CNBD1: variants seen among roughly 807,000 people sequenced by gnomAD.
CNBD1 encodes cyclic nucleotide binding domain containing 1.
A neutral mutation model predicts 54.4 loss-of-function variants in CNBD1; 71 were observed. The ratio of observed to expected loss-of-function variants is 1.30; its 90% CI spans 1.08 to 1.59. The LOEUF is 1.59. Among genes scored for constraint, CNBD1 ranks in the 40% most tolerant of loss-of-function variants. The probability of loss-of-function intolerance (pLI) is 0.00; values close to 1 mark genes in which losing one functional copy is unlikely to be tolerated. For synonymous variants in CNBD1, 182 were observed against 170.7 expected (o/e 1.07, Z -0.51); for missense variants, 659 against 518.0 (o/e 1.27, Z -2.64).
At chr8:87,317,617 A>T (rs1300454283) in intron 8 of CNBD1, among the ~76,000 whole-genome samples, 1 of 151,732 alleles carries the variant, frequency 6.6e-6, no homozygotes, top group Non-Finnish European at 1.5e-5. Flanking sequence ...CATGTTTTGT[A>T]TTATTTGAAT....
Position 87,250,983 on chromosome 8 carries a change from A to C in CNBD1, c.771+13871A>C, listed in dbSNP as rs746985080. ...CAAATAACCAAAAGAATGGAATTGC[A>C]ATGTTCCTAACACAAAGAAACAATA... On this transcript the variant is annotated intron_variant, in intron 6 of 10. Coordinates refer to ENST00000518476, the MANE Select transcript of CNBD1 (RefSeq NM_173538.3). Among the ~76,000 whole-genome samples, 69 of 151,714 alleles carry C rather than the reference A, an allele frequency of 4.5e-4. 1 individual carries two copies. Among genetic ancestry groups the C allele is most frequent in the Admixed American group, 1.3e-3 (20 of 15,192 alleles).
intron 4 of CNBD1, among the ~76,000 whole-genome samples, chr8:87,141,479 A>C (rs1812368604): frequency 1.3e-5 from 2 of 152,126 alleles, no homozygotes; most frequent in African/African-American, 4.8e-5. Flanking sequence ...ATCACAGCAC[A>C]CAGCCAATTC....
rs1811777394 is a variant in CNBD1, at chr8:87,116,670, T to TA, written c.432-89322dup. The stretch of plus-strand genomic sequence containing the variant: ...CTGTGTTCCTCATCTCCTCCCCACC[T>TA]AGTCCTCCAATTTCAGTAAATGACA... On this transcript the variant is annotated intron_variant, in intron 4 of 10. Transcript: ENST00000518476. Among the ~76,000 whole-genome samples, 4 of 152,302 alleles carry TA rather than the reference T, an allele frequency of 2.6e-5. No individual in the cohort carries two copies. The South Asian group carries it at 8.3e-4, about 32-fold the overall frequency.
intron 4 of CNBD1, among the ~76,000 whole-genome samples, chr8:87,075,760 A>G (rs1810855674): frequency 6.6e-6 from 1 of 152,134 alleles, no homozygotes; most frequent in Non-Finnish European, 1.5e-5. Flanking sequence ...TCTTGGTAAA[A>G]TGTACATGGG....
intron 8 of CNBD1, among the ~76,000 whole-genome samples, chr8:87,348,854 G>A (rs78952110): frequency 0.018 from 2,675 of 152,200 alleles, 76 homozygotes; most frequent in African/African-American, 0.058. Flanking sequence ...ATTTCTGGGC[G>A]TATGATAAAC....
intron 1 of CNBD1, among the ~76,000 whole-genome samples, chr8:86,867,497 G>A (rs900541448): frequency 4.6e-5 from 7 of 152,260 alleles, no homozygotes; most frequent in Middle Eastern, 3.4e-3. Context: ...CAGGTTAAAA[G>A]GTATAACAGG....
intron 4 of CNBD1, among the ~76,000 whole-genome samples, chr8:87,124,570 A>G (rs933255191): frequency 2.0e-5 from 3 of 151,856 alleles, no homozygotes; most frequent in African/African-American, 7.2e-5. Flanking sequence ...CATTTAATGG[A>G]CATAGAAAAA....
At chr8:86,941,900 CAT>C (rs1258308826) in intron 4 of CNBD1, among the ~76,000 whole-genome samples, 2 of 152,134 alleles carry the variant, frequency 1.3e-5, no homozygotes, top group Non-Finnish European at 2.9e-5. Flanking sequence ...CTTCCTCACT[CAT>C]GTGTGAGAAA....
rs1243009315 is a variant in CNBD1 at position 86,957,387 on chromosome 8, GCA to G, written c.431+17634_431+17635del. ...TTCCCTCTTTTTCTATTGATTGGAA[GCA>G]TTTCAGAAGGAATGGTACCAGCTCC... On this transcript the variant is annotated intron_variant, in intron 4 of 10. Coordinates refer to ENST00000518476, the MANE Select transcript of CNBD1 (RefSeq NM_173538.3). Among the ~76,000 whole-genome samples, 7 of 152,112 alleles carry G rather than the reference GCA, an allele frequency of 4.6e-5. No individual in the cohort carries two copies. The East Asian group carries it at 1.2e-3, about 25-fold the overall frequency.
chr8:87,217,585 T>TG (rs1417229766), intron 5 of CNBD1, among the ~76,000 whole-genome samples: 1 of 151,772 alleles, frequency 6.6e-6, no homozygotes, highest in Non-Finnish European at 1.5e-5. Flanking sequence ...TTTTTTTTTT[T>TG]TTTAAATAGC....
chr8:86,908,800 T>TTTAAACGGAGTCC (rs1554629463), intron 3 of CNBD1, among the ~76,000 whole-genome samples: 1 of 135,776 alleles, frequency 7.4e-6, no homozygotes, highest in African/African-American at 2.7e-5. Flanking sequence ...TTTTTTTTTT[T>TTTAAACGGAGTCC]TGTGCTGAGG....
chr8:87,220,331 T>C (rs796812072), intron 5 of CNBD1, among the ~76,000 whole-genome samples: 1 of 151,958 alleles, frequency 6.6e-6, no homozygotes, highest in South Asian at 2.1e-4. Context: ...ACCAGTCACC[T>C]CAAGCCAGGA....
intron 4 of CNBD1, among the ~76,000 whole-genome samples, chr8:87,102,885 G>A (rs1044143332): frequency 2.6e-5 from 4 of 152,172 alleles, no homozygotes; most frequent in East Asian, 1.9e-4. Flanking sequence ...AAGTGCTGGG[G>A]TTACAGGTGT....
intron 4 of CNBD1, among the ~76,000 whole-genome samples, chr8:87,132,069 G>C (rs1383031836): frequency 6.6e-6 from 1 of 151,354 alleles, no homozygotes; most frequent in Non-Finnish European, 1.5e-5. Flanking sequence ...TTTTTTGTTT[G>C]CCTTATTTTT....
In CNBD1 at chr8:86,888,859, G is replaced by GT. The variant is rs879469004; in HGVS notation, c.158+1257dup. 7.5e-3 allele frequency among the ~76,000 whole-genome samples: 1,130 copies of GT among 151,270 alleles called. 15 individuals are homozygous for GT. Among genetic ancestry groups the GT allele is most frequent in the African/African-American group, 0.026 (1,074 of 41,238 alleles). On this transcript the variant is annotated intron_variant, in intron 2 of 10. Transcript: ENST00000518476. ...CATTTCATTTTTCAAAATACTTCTA[G>GT]TTTTTTTTTCTCTTTGGGGGGTCAT...
rs199953119 is a variant in CNBD1 at position 87,413,849 on chromosome 8, A to G, written c.214-14697A>G. 6.9e-3 allele frequency among the ~76,000 whole-genome samples: 1,032 copies of G among 150,542 alleles called. 13 individuals carry two copies. The highest frequency in any genetic ancestry group is 0.023 in the African/African-American group (943 of 40,906). On this transcript the variant is annotated intron_variant, in intron 2 of 7. Transcript: ENST00000521593. ...ACCATCTCACACCAGTTAGAATGGC[A>G]ATCATTAAAAAGTCAGGAAACAACA... is the stretch of plus-strand genomic sequence containing the variant.
In CNBD1 at chr8:87,182,798, TTGTC is replaced by T. The variant is rs1298810041; in HGVS notation, c.432-23192_432-23189del. ...CTAATAGTTTCTGGATATTAGAACT[TTGTC>T]TGAAGCATAGTTTGCAAGTATTTTC... On this transcript the variant is annotated intron_variant, in intron 4 of 10. Transcript: ENST00000518476. This position sits in a 1 kb window ranked among gnomAD's most constrained non-coding sequence, Gnocchi z 4.1. Among the ~76,000 whole-genome samples the T allele has an allele frequency of 6.6e-6, 1 of 152,216 alleles. No individual in the cohort carries two copies. Among genetic ancestry groups the T allele is most frequent in the African/African-American group, 2.4e-5 (1 of 41,466 alleles).
chr8:87,260,493 A>C (rs755683015), intron 6 of CNBD1, among the ~76,000 whole-genome samples: 5 of 152,178 alleles, frequency 3.3e-5, no homozygotes, highest in Admixed American at 6.6e-5. Flanking sequence ...ATTACAGCTT[A>C]AGACTAGCCT....
chr8:87,039,464 G>T (rs1810018510), intron 4 of CNBD1, among the ~76,000 whole-genome samples: 1 of 151,988 alleles, frequency 6.6e-6, no homozygotes, highest in Non-Finnish European at 1.5e-5. Flanking sequence ...GTTTTTTGGG[G>T]GGGTTGGATT....
Sources: gnomAD v4.1 joint callset for allele counts (sites outside exome capture counted in the v4.1 genomes callset) on GRCh38, gnomAD v4.1.1 for gene constraint, Gnocchi (gnomAD v3.1) non-coding constraint, MANE v1.5 for transcripts, NCBI Gene and HGNC (gene_info 2026-07-23, HGNC 2026-07-21) for gene names.